Variants in IGF1R observed in about 807,000 individuals in gnomAD.
IGF1R encodes the protein insulin like growth factor 1 receptor.
Under a neutral mutation model 144.6 loss-of-function variants are expected in IGF1R, and 44 were observed. That is an observed-to-expected ratio of 0.30 (90% CI 0.24 to 0.39). The LOEUF is 0.39. IGF1R is among the 10% of genes least tolerant of loss of function. The pLI is 1.00. For synonymous variants in IGF1R, 795 were observed against 722.8 expected (o/e 1.10, Z -1.60); for missense variants, 1,355 against 1,833.7 (o/e 0.74, Z 4.77).
chr15:98,867,538 G>A (rs990394312), intron 2 of IGF1R, among the ~76,000 whole-genome samples: 1 of 152,236 alleles, frequency 6.6e-6, no homozygotes, highest in East Asian at 1.9e-4. Context: ...CTCTTGGCTG[G>A]AAGTGTTCTT....
intron 2 of IGF1R, among the ~76,000 whole-genome samples, chr15:98,811,387 A>G (rs2056586349): frequency 6.7e-6 from 1 of 149,826 alleles, no homozygotes; most frequent in Non-Finnish European, 1.5e-5. Flanking sequence ...AAAATTAGCC[A>G]GGCGTGGTTG....
chr15:98,943,864 C>T (rs1472955182), intron 19 of IGF1R, among the ~76,000 whole-genome samples: 1 of 152,210 alleles, frequency 6.6e-6, no homozygotes, highest in Non-Finnish European at 1.5e-5. Context: ...GGAACTATTT[C>T]AATAGTGACT....
intron 1 of IGF1R, among the ~76,000 whole-genome samples, chr15:98,694,541 G>T (rs541698841): frequency 6.6e-4 from 101 of 152,158 alleles, no homozygotes; most frequent in African/African-American, 2.1e-3. Flanking sequence ...CTCAGGGTGG[G>T]GGGGATGCAG....
intron 1 of IGF1R, among the ~76,000 whole-genome samples, chr15:98,692,099 T>C (rs771133180): frequency 1.3e-5 from 2 of 151,894 alleles, no homozygotes; most frequent in African/African-American, 2.4e-5. Context: ...ACTTTGGGAG[T>C]CCGAGGCGGG....
intron 2 of IGF1R, among the ~76,000 whole-genome samples, chr15:98,713,117 G>A (rs895154028): frequency 6.6e-6 from 1 of 151,830 alleles, no homozygotes; most frequent in African/African-American, 2.4e-5. Flanking sequence ...CAGCCGGCAC[G>A]GCTCACCTGG....
intron 1 of IGF1R, among the ~76,000 whole-genome samples, chr15:98,700,227 A>G (rs1212503409): frequency 1.3e-5 from 2 of 152,156 alleles, no homozygotes; most frequent in Non-Finnish European, 1.5e-5. Context: ...AGGGCACAGC[A>G]TGGGAGGATC....
intron 10 of IGF1R, among the ~76,000 whole-genome samples, chr15:98,919,719 C>T (rs1440773853): frequency 1.3e-5 from 2 of 152,098 alleles, no homozygotes; most frequent in African/African-American, 4.8e-5. Context: ...ATATTTTGTC[C>T]GTGGTGAGAG....
chr15:98,661,995 C>T (rs12914977), intron 1 of IGF1R, among the ~76,000 whole-genome samples: 45,421 of 118,494 alleles, frequency 0.38, 8,376 homozygotes, highest in Middle Eastern at 0.49. Flanking sequence ...GACAGTCTTG[C>T]TCTGTTGCCC....
Position 98,958,007 on chromosome 15 carries a change from C to G in IGF1R, c.*565C>G, listed in dbSNP as rs1043188453. 4 of 234,478 alleles carry G rather than the reference C, an allele frequency of 1.7e-5. No individual in the cohort carries two copies. Among genetic ancestry groups the G allele is most frequent in the African/African-American group, 8.8e-5 (4 of 45,366 alleles). 14.5% of individuals were successfully genotyped at this position (234,478 alleles called of 1,614,324 possible). ...GGCCATCGTTCATCCAAGGCTGTTA[C>G]CATTTTAACGCTGCCTAATTTTGCC... On this transcript the variant is annotated 3_prime_UTR_variant, in exon 21 of 21. Coordinates refer to ENST00000650285, the MANE Select transcript of IGF1R (RefSeq NM_000875.5).
rs554930824 is a variant in IGF1R at position 98,751,058 on chromosome 15, T to A, written c.640+42951T>A. On this transcript the variant is annotated intron_variant, in intron 2 of 20. Transcript: ENST00000650285. Reference sequence around the variant, plus strand: ...CACCCACCTCGGCCTCCCAAAGTCCTGGGATTACAGGCGTGAGCCATCATG... The same window carrying A: ...CACCCACCTCGGCCTCCCAAAGTCCAGGGATTACAGGCGTGAGCCATCATG... Among the ~76,000 whole-genome samples, 6 of 152,316 alleles carry A rather than the reference T, an allele frequency of 3.9e-5. No individual in the cohort carries two copies. The East Asian group carries it at 5.8e-4, about 15-fold the overall frequency.
intron 1 of IGF1R, among the ~76,000 whole-genome samples, chr15:98,653,774 C>T (rs1490854462): frequency 6.6e-6 from 1 of 152,144 alleles, no homozygotes; most frequent in Non-Finnish European, 1.5e-5. Context: ...AAAATGTTTC[C>T]TGCCCTTCCT....
At position 98,892,753 on chromosome 15, in the gene IGF1R, C is replaced by T. The variant is rs62023613; in HGVS notation, c.953+1116C>T. ...AGAGTAAAGAACTTTTAGGGGCTCA[C>T]GCCTGTAATCCCAACACTTTGGGAG... On this transcript the variant is annotated intron_variant, in intron 3 of 20. Transcript: ENST00000650285. 2.6e-3 allele frequency among the ~76,000 whole-genome samples: 392 copies of T among 152,186 alleles called. 2 individuals carry two copies. Among genetic ancestry groups the T allele is most frequent in the African/African-American group, 9.0e-3 (375 of 41,534 alleles).
At chr15:98,818,141 C>T (rs1468604823) in intron 2 of IGF1R, among the ~76,000 whole-genome samples, 1 of 152,148 alleles carries the variant, frequency 6.6e-6, no homozygotes, top group Non-Finnish European at 1.5e-5. Flanking sequence ...TTAATTGTCT[C>T]CTTAACAGCC....
At position 98,963,514 on chromosome 15, in the gene IGF1R, G is replaced by T. The variant is rs1034113014; in HGVS notation, c.*6072G>T. 1 of 233,318 alleles carries T rather than the reference G, an allele frequency of 4.3e-6. No individual in the cohort carries two copies. Among genetic ancestry groups the T allele is most frequent in the East Asian group, 6.0e-5 (1 of 16,594 alleles). 14.5% of individuals were successfully genotyped at this position (233,318 alleles called of 1,614,324 possible). A position where few individuals can be genotyped will look rare whatever the true frequency, so the allele number is the denominator to read the frequency against. On this transcript the variant is annotated 3_prime_UTR_variant, in exon 21 of 21. Transcript: ENST00000650285. ...CCATGGAAACAGCCGAGGTGTTGGA[G>T]CCCAGCAGTGCATGGCACCGTTCGG...
In IGF1R at chr15:98,960,905, G is replaced by A. The variant is rs886051595; in HGVS notation, c.*3463G>A. 8 of 232,452 alleles carry A rather than the reference G, an allele frequency of 3.4e-5. No individual in the cohort carries two copies. Among genetic ancestry groups the A allele is most frequent in the East Asian group, 3.0e-4 (5 of 16,428 alleles). The allele number at this position is 232,452 out of a possible 1,614,324, so 14.4% of individuals were successfully genotyped here. A position where few individuals can be genotyped will look rare whatever the true frequency, so the allele number is the denominator to read the frequency against. ...CCGGCGCCGAGGCTCGTGGCGTCACGCCCCCCCCGCCAGGGCTGTACCTCC... is the reference window on the plus strand; with the variant it reads ...CCGGCGCCGAGGCTCGTGGCGTCACACCCCCCCCGCCAGGGCTGTACCTCC... On this transcript the variant is annotated 3_prime_UTR_variant, in exon 21 of 21. Coordinates refer to ENST00000650285, the MANE Select transcript of IGF1R (RefSeq NM_000875.5).
At chr15:98,751,498 G>A (rs998963417) in intron 2 of IGF1R, among the ~76,000 whole-genome samples, 10 of 152,174 alleles carry the variant, frequency 6.6e-5, no homozygotes, top group African/African-American at 2.4e-4. Context: ...TTTAATGGTA[G>A]TGTAAAGTGA....
intron 20 of IGF1R, among the ~76,000 whole-genome samples, chr15:98,953,450 C>A (rs984590623): frequency 6.6e-6 from 1 of 152,138 alleles, no homozygotes; most frequent in African/African-American, 2.4e-5. Context: ...GCCCAGATCT[C>A]GGTATTTATG....
At chr15:98,662,828 T>TG (rs1459907702) in intron 1 of IGF1R, among the ~76,000 whole-genome samples, 1 of 151,854 alleles carries the variant, frequency 6.6e-6, no homozygotes, top group Non-Finnish European at 1.5e-5. Context: ...CCATGTGTGG[T>TG]GTGGGTGGCA....
intron 2 of IGF1R, among the ~76,000 whole-genome samples, chr15:98,760,916 C>T (rs2055280070): frequency 3.3e-5 from 5 of 152,250 alleles, no homozygotes; most frequent in Admixed American, 2.6e-4. Flanking sequence ...GTGTTGTTTG[C>T]TTTTCGATGT....
Sources: gnomAD v4.1 joint callset for allele counts (sites outside exome capture counted in the v4.1 genomes callset) on GRCh38, gnomAD v4.1.1 for gene constraint, MANE v1.5 for transcripts, NCBI Gene and HGNC (gene_info 2026-07-23, HGNC 2026-07-21) for gene names.